SNTG1: variants seen among roughly 807,000 people sequenced by gnomAD.
SNTG1 encodes syntrophin gamma 1.
In SNTG1, 39 loss-of-function variants were observed where a neutral mutation model predicts 74.7. The ratio of observed to expected loss-of-function variants is 0.52; its 90% CI spans 0.40 to 0.68. SNTG1 has a LOEUF of 0.68. Among genes scored for constraint, SNTG1 ranks in the 30% least tolerant of loss-of-function variants. The pLI is 0.00. For synonymous variants in SNTG1, 254 were observed against 217.1 expected, an observed-to-expected ratio of 1.17 and a Z score of -1.49; for missense variants, 685 against 609.5, an observed-to-expected ratio of 1.12 and a Z score of -1.30.
intron 1 of SNTG1, among the ~76,000 whole-genome samples, chr8:50,000,816 TTATCCTTC>T (rs1306333007): frequency 6.6e-6 from 1 of 152,192 alleles, no homozygotes; most frequent in East Asian, 1.9e-4. Flanking sequence ...GGACAAGAGG[TTATCCTTC>T]CTGTCAGTAG....
chr8:50,656,171 G>A (rs1163986418), intron 13 of SNTG1, among the ~76,000 whole-genome samples: 2 of 152,118 alleles, frequency 1.3e-5, no homozygotes, highest in East Asian at 3.9e-4. Context: ...GAAATTGAAT[G>A]CCACATGAAT....
chr8:50,757,840 T>C (rs1036669183), intron 18 of SNTG1, among the ~76,000 whole-genome samples: 7 of 151,918 alleles, frequency 4.6e-5, no homozygotes, highest in African/African-American at 1.7e-4. Context: ...AACAGTTATA[T>C]ATTGTTTTAC....
At position 50,795,407 on chromosome 8, in the gene SNTG1, A is replaced by T. The variant is rs1802763230; in HGVS notation, c.*2578A>T. On this transcript the variant is annotated 3_prime_UTR_variant, in exon 19 of 19. Transcript: ENST00000642720. ...TGAGAAAGCTTTGAAATGAACAAAA[A>T]CACTTAAAAATTTCTATCTCTCATA... The T allele has an allele frequency of 1.3e-5, 2 of 152,076 alleles. No individual in the cohort carries two copies. The highest frequency in any genetic ancestry group is 4.8e-5 in the African/African-American group (2 of 41,438). The allele number at this position is 152,076 out of a possible 1,614,324, so 9.4% of individuals were successfully genotyped here. A position where few individuals can be genotyped will look rare whatever the true frequency, so the allele number is the denominator to read the frequency against.
At chr8:50,454,021 G>A (rs2093479808) in intron 8 of SNTG1, among the ~76,000 whole-genome samples, 1 of 152,180 alleles carries the variant, frequency 6.6e-6, no homozygotes, top group Non-Finnish European at 1.5e-5. Flanking sequence ...TGGAGCTTAT[G>A]AGTTGTACCT....
intron 1 of SNTG1, among the ~76,000 whole-genome samples, chr8:50,026,655 A>G (rs148086591): frequency 4.1e-3 from 619 of 152,190 alleles, no homozygotes; most frequent in Non-Finnish European, 6.2e-3. Context: ...ACAGAAGGGT[A>G]TTAATATCTT....
intron 18 of SNTG1, among the ~76,000 whole-genome samples, chr8:50,791,121 T>C: frequency 6.6e-6 from 1 of 151,920 alleles, no homozygotes; most frequent in East Asian, 1.9e-4. Flanking sequence ...AGAAAGTATT[T>C]AAAATGTGTT....
At chr8:50,436,157 A>G (rs559100400) in intron 4 of SNTG1, among the ~76,000 whole-genome samples, 4 of 152,266 alleles carry the variant, frequency 2.6e-5, no homozygotes, top group Non-Finnish European at 5.9e-5. Flanking sequence ...AAGACAACTG[A>G]TATGGGTTGT....
chr8:50,202,420 C>A (rs987767860), intron 2 of SNTG1, among the ~76,000 whole-genome samples: 2 of 151,978 alleles, frequency 1.3e-5, no homozygotes, highest in African/African-American at 4.8e-5. Context: ...CTTTGCTTTT[C>A]CAGGGTGTGA....
At chr8:49,987,649 C>CGT (rs1554540626) in intron 1 of SNTG1, among the ~76,000 whole-genome samples, 1 of 131,552 alleles carries the variant, frequency 7.6e-6, no homozygotes, top group African/African-American at 2.9e-5. Context: ...TTAAATTAAC[C>CGT]TTTTTTTTTT....
intron 1 of SNTG1, among the ~76,000 whole-genome samples, chr8:49,967,850 C>T (rs959176966): frequency 3.3e-5 from 5 of 152,154 alleles, no homozygotes; most frequent in Non-Finnish European, 5.9e-5. Context: ...TATTACATCT[C>T]GCTACTGACA....
chr8:50,512,270 TC>T (rs2094085808), intron 9 of SNTG1, among the ~76,000 whole-genome samples: 1 of 151,672 alleles, frequency 6.6e-6, no homozygotes, highest in Non-Finnish European at 1.5e-5. Flanking sequence ...TTGCAGAGTT[TC>T]CACCGAGAGA....
At chr8:50,455,633 G>C (rs1450783087) in intron 8 of SNTG1, among the ~76,000 whole-genome samples, 1 of 152,114 alleles carries the variant, frequency 6.6e-6, no homozygotes, top group African/African-American at 2.4e-5. Flanking sequence ...ATTTCCACTG[G>C]AGTAGGAACA....
At chr8:49,940,029 G>C (rs1398841833) in intron 1 of SNTG1, among the ~76,000 whole-genome samples, 1 of 152,198 alleles carries the variant, frequency 6.6e-6, no homozygotes, top group Non-Finnish European at 1.5e-5. Flanking sequence ...AGCATGAGAT[G>C]ATTTCTTGGC....
At chr8:50,768,396 G>A (rs550694448) in intron 18 of SNTG1, among the ~76,000 whole-genome samples, 17 of 152,036 alleles carry the variant, frequency 1.1e-4, no homozygotes, top group Non-Finnish European at 1.9e-4. Context: ...GGAACACTTT[G>A]GATGCTCAGT....
chr8:50,396,626 A>G lies in SNTG1; in HGVS notation c.27+2361A>G, dbSNP rs148783728. 7.7e-3 allele frequency among the ~76,000 whole-genome samples: 1,177 copies of G among 152,266 alleles called. 4 individuals carry two copies. The highest frequency in any genetic ancestry group is 0.012 in the Non-Finnish European group (820 of 68,020). On this transcript the variant is annotated intron_variant, in intron 3 of 18. Transcript: ENST00000642720. ...AAATACTGTGGATACTTGCAAGAAA[A>G]TTTGCAGTCCATTTTATTATCTCTG...
intron 1 of SNTG1, among the ~76,000 whole-genome samples, chr8:50,156,520 A>C (rs1366383620): frequency 6.6e-6 from 1 of 152,086 alleles, no homozygotes; most frequent in Non-Finnish European, 1.5e-5. Flanking sequence ...TGGCTGATAT[A>C]TATAATGTGA....
At chr8:50,474,521 A>G (rs1020785316) in intron 8 of SNTG1, among the ~76,000 whole-genome samples, 15 of 152,326 alleles carry the variant, frequency 9.8e-5, no homozygotes, top group African/African-American at 3.4e-4. Flanking sequence ...TCAAAACCGC[A>G]ATGAGATACC....
intron 2 of SNTG1, among the ~76,000 whole-genome samples, chr8:50,281,252 G>A (rs547925119): frequency 6.6e-6 from 1 of 152,090 alleles, no homozygotes; most frequent in Non-Finnish European, 1.5e-5. Context: ...GTTAATGCTG[G>A]TCAGTTGTGC....
chr8:50,694,401 T>C (rs1019011461), intron 15 of SNTG1, among the ~76,000 whole-genome samples: 4 of 151,886 alleles, frequency 2.6e-5, no homozygotes, highest in Non-Finnish European at 5.9e-5. Flanking sequence ...AAAATAAAAA[T>C]GTGAAGAGAA....
Sources: allele counts gnomAD v4.1 joint callset (sites outside exome capture counted in the v4.1 genomes callset), GRCh38; gene constraint gnomAD v4.1.1; transcripts MANE v1.5; gene names NCBI Gene and HGNC (gene_info 2026-07-23, HGNC 2026-07-21).